Variants in MB21D2 observed in about 807,000 individuals in gnomAD.
MB21D2 encodes the protein Mab-21 domain containing 2, also known as nucleotidyltransferase MB21D2.
Under a neutral mutation model 33.3 loss-of-function variants are expected in MB21D2, and 9 were observed. That is an observed-to-expected ratio of 0.27 (90% CI 0.16 to 0.47). The LOEUF (loss-of-function observed/expected upper bound fraction) is 0.47, where lower values mean the gene tolerates loss of function less well. Ranked by LOEUF, MB21D2 falls within the 20% of genes least tolerant of loss-of-function variation. The pLI is 0.99. For missense variants in MB21D2, 540 were observed against 624.6 expected (o/e 0.86, Z 1.44); for synonymous variants, 241 against 236.3 (o/e 1.02, Z -0.18).
rs371073954 is a variant in MB21D2, at chr3:192,834,873, G to A, written c.212-35223C>T. 2.5e-4 allele frequency among the ~76,000 whole-genome samples: 35 copies of A among 142,728 alleles called. 1 individual carries two copies. The highest frequency in any genetic ancestry group is 1.1e-3 in the Admixed American group (15 of 13,762). The allele number at this position is 142,728 out of a possible 152,430, so 93.6% of individuals were successfully genotyped here. On this transcript the variant is annotated intron_variant, in intron 1 of 1. Coordinates refer to ENST00000392452, the MANE Select transcript of MB21D2 (RefSeq NM_178496.4). ...GACGCAGGCTGGAGTGCAGTGGCAC[G>A]ATCTCAGCTCACTGCAACCTCTGCC...
rs180740249 is a variant in MB21D2, at chr3:192,801,992, C to A, written c.212-2342G>T. Among the ~76,000 whole-genome samples, 216 of 152,300 alleles carry A rather than the reference C, an allele frequency of 1.4e-3. 1 individual carries two copies. Among genetic ancestry groups the A allele is most frequent in the African/African-American group, 3.9e-3 (164 of 41,570 alleles). On this transcript the variant is annotated intron_variant, in intron 1 of 1. Coordinates refer to ENST00000392452, the MANE Select transcript of MB21D2 (RefSeq NM_178496.4). ...AGTGTCAACAATTCATCAGAAAGAA[C>A]ATCCAACAAACCTGACTTCTTGGCT...
At chr3:192,898,589 GT>G (rs1714027417) in intron 1 of MB21D2, among the ~76,000 whole-genome samples, 1 of 152,054 alleles carries the variant, frequency 6.6e-6, no homozygotes, top group Non-Finnish European at 1.5e-5. Context: ...AATTGCCCAA[GT>G]TCAAGAACGA....
chr3:192,864,663 C>A (rs908414918), intron 1 of MB21D2, among the ~76,000 whole-genome samples: 1 of 152,114 alleles, frequency 6.6e-6, no homozygotes, highest in African/African-American at 2.4e-5. Flanking sequence ...CCCGCCACCA[C>A]GCCTGGTTAA....
intron 1 of MB21D2, among the ~76,000 whole-genome samples, chr3:192,834,316 C>G (rs1417762737): frequency 9.0e-6 from 1 of 110,668 alleles, no homozygotes. Context: ...GACTGCATCT[C>G]AAAAAAAAAA....
chr3:192,888,967 A>G lies in MB21D2; in HGVS notation c.211+28663T>C, dbSNP rs144260771. Among the ~76,000 whole-genome samples the G allele has an allele frequency of 5.6e-3, 858 of 152,046 alleles. 4 individuals are homozygous for G. Among genetic ancestry groups the G allele is most frequent in the Non-Finnish European group, 7.5e-3 (509 of 68,014 alleles). The stretch of plus-strand genomic sequence containing the variant: ...ACTCTGGTAGAGTCTAAGGGACTCT[A>G]TCATCTCTACCAGCTCAAATCATGC... On this transcript the variant is annotated intron_variant, in intron 1 of 1. Transcript: ENST00000392452.
intron 1 of MB21D2, among the ~76,000 whole-genome samples, chr3:192,836,983 C>T (rs565713081): frequency 1.6e-4 from 24 of 152,246 alleles, no homozygotes; most frequent in South Asian, 8.3e-4. Flanking sequence ...AACACCAAAA[C>T]ACTTGGCATA....
intron 1 of MB21D2, among the ~76,000 whole-genome samples, chr3:192,902,809 A>C (rs1714132969): frequency 6.6e-6 from 1 of 152,234 alleles, no homozygotes; most frequent in Non-Finnish European, 1.5e-5. Context: ...AACTCCTCCC[A>C]GCCACAGGCC....
At chr3:192,916,576 G>T (rs566902080) in intron 1 of MB21D2, among the ~76,000 whole-genome samples, 13 of 152,298 alleles carry the variant, frequency 8.5e-5, no homozygotes, top group Admixed American at 5.9e-4. Context: ...GTTGACCGCC[G>T]GCCACGCACC....
chr3:192,870,456 C>T (rs1314325184), intron 1 of MB21D2, among the ~76,000 whole-genome samples: 2 of 151,878 alleles, frequency 1.3e-5, no homozygotes. Flanking sequence ...TTTGGGAGGC[C>T]GAGGTGGGTG....
At chr3:192,863,860 C>A (rs1316556118) in intron 1 of MB21D2, among the ~76,000 whole-genome samples, 1 of 152,178 alleles carries the variant, frequency 6.6e-6, no homozygotes, top group Admixed American at 6.5e-5. Flanking sequence ...TCGCCAGACA[C>A]CAAACCTGCC....
intron 1 of MB21D2, among the ~76,000 whole-genome samples, chr3:192,879,650 G>A (rs376686944): frequency 4.6e-5 from 7 of 152,212 alleles, no homozygotes; most frequent in African/African-American, 1.7e-4. Flanking sequence ...GGGGGTATCC[G>A]TTGGAGGCCA....
rs374069138 is a variant in MB21D2 at position 192,799,698 on chromosome 3, A to G, written c.212-48T>C. The G allele has an allele frequency of 1.3e-6, 2 of 1,552,030 alleles. No individual in the cohort carries two copies. Among genetic ancestry groups the G allele is most frequent in the Admixed American group, 2.0e-5 (1 of 51,198 alleles). On this transcript the variant is annotated intron_variant, in intron 1 of 1. Coordinates refer to ENST00000392452, the MANE Select transcript of MB21D2 (RefSeq NM_178496.4). The surrounding 1 kb of genome is among the most constrained non-coding windows in gnomAD (Gnocchi z 4.1). ...CAACACTATTACAGGAAACACAGAC[A>G]TAAGAGTCTTATGCATGAAACAGAA...
intron 1 of MB21D2, among the ~76,000 whole-genome samples, chr3:192,874,819 C>T (rs1713393792): frequency 6.6e-6 from 1 of 152,170 alleles, no homozygotes; most frequent in Admixed American, 6.5e-5. Flanking sequence ...AACTCCTCTG[C>T]AAGGTCAGTT....
chr3:192,913,752 C>T (rs908086522), intron 1 of MB21D2, among the ~76,000 whole-genome samples: 4 of 152,054 alleles, frequency 2.6e-5, no homozygotes, highest in Non-Finnish European at 4.4e-5. Flanking sequence ...AGATAGCTTA[C>T]GCCTAGGACT....
intron 1 of MB21D2, among the ~76,000 whole-genome samples, chr3:192,850,928 G>A (rs1477613935): frequency 6.6e-6 from 1 of 152,160 alleles, no homozygotes; most frequent in African/African-American, 2.4e-5. Context: ...TGTGTGGCGG[G>A]AAGAGTAAGG....
At position 192,807,881 on chromosome 3, in the gene MB21D2, G is replaced by A. The variant is rs1482181292; in HGVS notation, c.212-8231C>T. The stretch of plus-strand genomic sequence containing the variant: ...CAATCAGGACAGGTGAAGTTATGCT[G>A]AGTAACAAAGCTAATATCTCAGTGA... On this transcript the variant is annotated intron_variant, in intron 1 of 1. Coordinates refer to ENST00000392452, the MANE Select transcript of MB21D2 (RefSeq NM_178496.4). Among the ~76,000 whole-genome samples, 2 of 152,070 alleles carry A rather than the reference G, an allele frequency of 1.3e-5. 1 individual carries two copies. The highest frequency in any genetic ancestry group is 4.2e-4 in the South Asian group (2 of 4,792).
At chr3:192,843,962 G>T (rs1262438430) in intron 1 of MB21D2, among the ~76,000 whole-genome samples, 1 of 152,090 alleles carries the variant, frequency 6.6e-6, no homozygotes, top group Non-Finnish European at 1.5e-5. Context: ...TTGGGCCAGA[G>T]CACCTGTCCT....
chr3:192,881,189 T>C (rs1713558285), intron 1 of MB21D2, among the ~76,000 whole-genome samples: 1 of 152,106 alleles, frequency 6.6e-6, no homozygotes, highest in Non-Finnish European at 1.5e-5. Flanking sequence ...AGATATAAAC[T>C]TAAAACAAAA....
chr3:192,905,730 GT>G (rs1261103647), intron 1 of MB21D2, among the ~76,000 whole-genome samples: 1 of 151,238 alleles, frequency 6.6e-6, no homozygotes, highest in South Asian at 2.1e-4. Flanking sequence ...CTACTCAGGA[GT>G]CTGAGGTGGG....
Sources: gnomAD v4.1 joint callset for allele counts (sites outside exome capture counted in the v4.1 genomes callset) on GRCh38, gnomAD v4.1.1 for gene constraint, Gnocchi (gnomAD v3.1) non-coding constraint, MANE v1.5 for transcripts, NCBI Gene and HGNC (gene_info 2026-07-23, HGNC 2026-07-21) for gene names.